Variants in GOLGA1 observed in about 807,000 individuals in gnomAD.
The protein encoded by GOLGA1 is golgin A1.
GOLGA1 carries 63 observed loss-of-function variants against 119.7 expected under a neutral mutation model. That is an observed-to-expected ratio of 0.53 (90% CI 0.43 to 0.65). GOLGA1 has a LOEUF of 0.65. Among genes scored for constraint, GOLGA1 ranks in the 30% least tolerant of loss-of-function variants. The pLI is 0.00. For missense variants in GOLGA1, 798 were observed against 912.8 expected (o/e 0.87, Z 1.62); for synonymous variants, 318 against 333.4 (o/e 0.95, Z 0.50).
At chr9:124,912,822 G>A (rs1830367214) in intron 10 of GOLGA1, among the ~76,000 whole-genome samples, 1 of 152,042 alleles carries the variant, frequency 6.6e-6, no homozygotes, top group Admixed American at 6.5e-5. Flanking sequence ...GATTACAGGC[G>A]TAAGCCACTG....
intron 10 of GOLGA1, among the ~76,000 whole-genome samples, chr9:124,917,683 C>T (rs759750314): frequency 1.3e-5 from 2 of 152,140 alleles, no homozygotes; most frequent in Non-Finnish European, 2.9e-5. Context: ...CACTGGCTTT[C>T]TTCTAGTTCC....
At chr9:124,889,360 G>C (rs1829802778) in intron 17 of GOLGA1, 57 bp from the exon 18 acceptor site, 1 of 1,602,596 alleles carries the variant, frequency 6.2e-7, no homozygotes, top group South Asian at 1.1e-5. Flanking sequence ...ATGCTGCTTG[G>C]TGGCAAGGCC....
At chr9:124,943,478 T>C (rs988301453), upstream of GOLGA1, 18 of 152,206 alleles carry the variant, frequency 1.2e-4, no homozygotes, top group East Asian at 1.9e-4. Flanking sequence ...TGGATAAGAA[T>C]TGTTACATGA....
chr9:124,940,643 C>T (rs1830991391), intron 1 of GOLGA1, among the ~76,000 whole-genome samples: 1 of 152,234 alleles, frequency 6.6e-6, no homozygotes, highest in Admixed American at 6.5e-5. Flanking sequence ...ATCTCACTCC[C>T]TCAGGCTACC....
rs574408386 is a variant in GOLGA1, at chr9:124,923,286, G to A, written c.433-63C>T. ...AGCATTAGAAATCTGTATTACGAAA[G>A]TGAAAATCTTTTCTTTTTTAAAATT... is the stretch of plus-strand genomic sequence containing the variant. On this transcript the variant is annotated intron_variant, in intron 7 of 22. Coordinates refer to ENST00000373555, the MANE Select transcript of GOLGA1 (RefSeq NM_002077.4). 5 of 1,369,816 alleles carry A rather than the reference G, an allele frequency of 3.7e-6. No individual in the cohort carries two copies. In the East Asian group the frequency reaches 1.2e-4, roughly 32 times the overall value. The allele number at this position is 1,369,816 out of a possible 1,614,324, so 84.9% of individuals were successfully genotyped here.
chr9:124,922,580 G>A (rs1470395436), intron 8 of GOLGA1, among the ~76,000 whole-genome samples: 1 of 148,438 alleles, frequency 6.7e-6, no homozygotes, highest in Non-Finnish European at 1.5e-5. Context: ...AAGAAAGAAA[G>A]GAAAGAAAAA....
At chr9:124,915,933 C>A (rs549705907) in intron 10 of GOLGA1, among the ~76,000 whole-genome samples, 1 of 151,912 alleles carries the variant, frequency 6.6e-6, no homozygotes, top group Non-Finnish European at 1.5e-5. Context: ...GAAACCCTGT[C>A]TCTTCTAAAA....
At chr9:124,906,045 G>C (rs1014285945) in intron 12 of GOLGA1, among the ~76,000 whole-genome samples, 25 of 151,444 alleles carry the variant, frequency 1.7e-4, no homozygotes, top group African/African-American at 6.1e-4. Flanking sequence ...CCTGGGAGGC[G>C]GAGGTTGCAG....
In GOLGA1 at chr9:124,878,665, G is replaced by C. The variant is rs545836405; in HGVS notation, c.*1865C>G. On this transcript the variant is annotated 3_prime_UTR_variant, in exon 23 of 23. Transcript: ENST00000373555. ...CTAAAGTGAGTACAGACCTAGGAACGGGCCCCACAGCTACACCTGAAACTG... is the reference window on the plus strand; with the variant it reads ...CTAAAGTGAGTACAGACCTAGGAACCGGCCCCACAGCTACACCTGAAACTG... 2 of 152,228 alleles carry C rather than the reference G, an allele frequency of 1.3e-5. No homozygotes were observed. Among genetic ancestry groups the C allele is most frequent in the African/African-American group, 4.8e-5 (2 of 41,424 alleles). The allele number at this position is 152,228 out of a possible 1,614,324, so 9.4% of individuals were successfully genotyped here.
At chr9:124,905,003 G>A (rs940788552) in intron 12 of GOLGA1, among the ~76,000 whole-genome samples, 2 of 149,848 alleles carry the variant, frequency 1.3e-5, no homozygotes, top group African/African-American at 2.4e-5. Flanking sequence ...AAAATGAGCC[G>A]GGTGTGGTGG....
chr9:124,929,409 T>C, intron 4 of GOLGA1, 119 bp from the exon 5 acceptor site: 1 of 713,180 alleles, frequency 1.4e-6, no homozygotes, highest in Non-Finnish European at 2.5e-6. Flanking sequence ...ACCATTCCTG[T>C]TAAGGAAAGC....
rs1829792815 is a variant in GOLGA1, at chr9:124,888,987, C to T, written c.1761+156G>A. Reference sequence around the variant, plus strand: ...GTGCTGGGATTACAGGCGTGAGCCACTGCGCCTGGCCAAGTGCCCTACTTC... The same window carrying T: ...GTGCTGGGATTACAGGCGTGAGCCATTGCGCCTGGCCAAGTGCCCTACTTC... On this transcript the variant is annotated intron_variant, in intron 18 of 22. Transcript: ENST00000373555. The surrounding 1 kb of genome is among the most constrained non-coding windows in gnomAD (Gnocchi z 4.4). Among the ~76,000 whole-genome samples the T allele has an allele frequency of 6.6e-6, 1 of 152,240 alleles. No homozygotes were observed. Among genetic ancestry groups the T allele is most frequent in the African/African-American group, 2.4e-5 (1 of 41,460 alleles).
intron 15 of GOLGA1, among the ~76,000 whole-genome samples, chr9:124,895,148 ACT>A (rs372708608): frequency 9.7e-4 from 142 of 146,934 alleles, no homozygotes; most frequent in African/African-American, 3.3e-3. Context: ...TCCACAACAG[ACT>A]CTCCACAACA....
intron 3 of GOLGA1, among the ~76,000 whole-genome samples, chr9:124,932,241 C>T (rs1830782715): frequency 6.6e-6 from 1 of 152,236 alleles, no homozygotes; most frequent in Non-Finnish European, 1.5e-5. Flanking sequence ...TCATAGGCAA[C>T]ATATGATTAT....
chr9:124,899,222 G>C, intron 14 of GOLGA1, 107 bp downstream of exon 14: 1 of 1,003,960 alleles, frequency 1.0e-6, no homozygotes, highest in Non-Finnish European at 1.4e-6. Flanking sequence ...GCCTTCTAAA[G>C]TGGTTTCCTA....
At position 124,938,603 on chromosome 9, in the gene GOLGA1, T is replaced by C. The variant is rs186592566; in HGVS notation, c.109A>G (p.Met37Val). The change falls in exon 3 of 23, where the codon ATG becomes GTG. Residue 37 changes from methionine (M) to valine (V), a missense_variant. Physicochemically the swap from Met to Val is conservative, Grantham distance 21. Transcript: ENST00000373555. ...AAGTCATCTCCTGAGTCAGCTCCCA[T>C]TGAGGCAACTGATTCCTTGCTCACA... ...RSVSKESVAS[M>V]GADSGDDFAS... 450 of 1,613,214 alleles carry C rather than the reference T, an allele frequency of 2.8e-4. 3 individuals carry two copies. The highest frequency in any genetic ancestry group is 3.3e-4 in the Middle Eastern group (2 of 6,044).
intron 10 of GOLGA1, among the ~76,000 whole-genome samples, chr9:124,912,619 T>C (rs1253222589): frequency 6.6e-6 from 1 of 152,202 alleles, no homozygotes; most frequent in Non-Finnish European, 1.5e-5. Flanking sequence ...CTCGGCTCAC[T>C]GCAACATCCA....
chr9:124,900,970 A>ATT (rs1214606701), intron 12 of GOLGA1, among the ~76,000 whole-genome samples: 46 of 136,722 alleles, frequency 3.4e-4, no homozygotes, highest in South Asian at 7.1e-4. Context: ...TTCACACAGT[A>ATT]TTTTTTTTTT....
At chr9:124,896,137 G>C (rs1454696684) in intron 15 of GOLGA1, among the ~76,000 whole-genome samples, 3 of 152,198 alleles carry the variant, frequency 2.0e-5, no homozygotes, top group Non-Finnish European at 4.4e-5. Flanking sequence ...TCTCAGGCAG[G>C]GCATGGTGGC....
Sources: allele counts gnomAD v4.1 joint callset (sites outside exome capture counted in the v4.1 genomes callset), GRCh38; gene constraint gnomAD v4.1.1; non-coding constraint Gnocchi (gnomAD v3.1); transcripts MANE v1.5; gene names NCBI Gene and HGNC (gene_info 2026-07-23, HGNC 2026-07-21).